The following MIGA1 variants were observed in gnomAD, a reference collection of about 807,000 sequenced individuals.
MIGA1 encodes the protein family with sequence similarity 73, member A.
A neutral mutation model predicts 82.0 loss-of-function variants in MIGA1; 58 were observed. That is an observed-to-expected ratio of 0.71 (90% CI 0.57 to 0.88). The LOEUF is 0.88. MIGA1 is among the 40% of genes least tolerant of loss of function. The pLI, the probability that MIGA1 is intolerant of heterozygous loss-of-function variation, is 0.00. For missense variants in MIGA1, 751 were observed against 749.1 expected (o/e 1.00, Z -0.03); for synonymous variants, 249 against 253.6 (o/e 0.98, Z 0.17).
intron 2 of MIGA1, among the ~76,000 whole-genome samples, chr1:77,791,689 G>A (rs1027515780): frequency 2.0e-5 from 3 of 150,282 alleles, no homozygotes; most frequent in Non-Finnish European, 4.4e-5. Flanking sequence ...TCAGCCTCCT[G>A]ATTTGGTGGG....
intron 8 of MIGA1, among the ~76,000 whole-genome samples, chr1:77,855,162 C>A (rs1302944007): frequency 6.6e-6 from 1 of 152,108 alleles, no homozygotes; most frequent in African/African-American, 2.4e-5. Flanking sequence ...GTCTTTTCCC[C>A]ATTTTATGTT....
At chr1:77,834,236 C>T (rs116573469) in intron 7 of MIGA1, among the ~76,000 whole-genome samples, 1,894 of 152,120 alleles carry the variant, frequency 0.012, 41 homozygotes, top group African/African-American at 0.044. Context: ...AGCGCAGTGG[C>T]GTGATCCTAA....
intron 2 of MIGA1, among the ~76,000 whole-genome samples, chr1:77,790,588 CTTTT>C (rs749368070): frequency 7.1e-6 from 1 of 139,898 alleles, no homozygotes. Context: ...TGCACCATTC[CTTTT>C]TTTTTTTTTT....
chr1:77,866,832 A>G (rs1445266638), intron 14 of MIGA1, among the ~76,000 whole-genome samples: 2 of 151,612 alleles, frequency 1.3e-5, no homozygotes, highest in African/African-American at 4.9e-5. Context: ...CGTAGGTGCC[A>G]CCACACCCGG....
At chr1:77,829,839 C>G (rs977725924) in intron 7 of MIGA1, among the ~76,000 whole-genome samples, 1 of 151,808 alleles carries the variant, frequency 6.6e-6, no homozygotes, top group Admixed American at 6.6e-5. Flanking sequence ...GCCTCAGCAC[C>G]TCTCTTTGAA....
chr1:77,830,614 C>A (rs1468246213), intron 7 of MIGA1, among the ~76,000 whole-genome samples: 1 of 152,118 alleles, frequency 6.6e-6, no homozygotes, highest in Non-Finnish European at 1.5e-5. Context: ...CCTATCTCAC[C>A]GCTTTGGGTA....
intron 8 of MIGA1, among the ~76,000 whole-genome samples, chr1:77,851,731 A>G (rs923410874): frequency 1.2e-4 from 19 of 152,206 alleles, no homozygotes; most frequent in Non-Finnish European, 2.8e-4. Flanking sequence ...TTAAACGATT[A>G]CTTAAACCAA....
intron 13 of MIGA1, among the ~76,000 whole-genome samples, chr1:77,865,951 TCG>T (rs1685646990): frequency 6.6e-6 from 1 of 152,206 alleles, no homozygotes; most frequent in South Asian, 2.1e-4. Flanking sequence ...TCTTGCTCTG[TCG>T]CTAGGCTGGA....
intron 7 of MIGA1, among the ~76,000 whole-genome samples, chr1:77,824,546 A>G (rs1055605100): frequency 9.2e-5 from 14 of 152,136 alleles, no homozygotes; most frequent in Non-Finnish European, 1.9e-4. Context: ...AAACAGTGAG[A>G]CTCAGTCTCT....
At chr1:77,855,251 A>G (rs760724997) in intron 8 of MIGA1, among the ~76,000 whole-genome samples, 2 of 152,120 alleles carry the variant, frequency 1.3e-5, no homozygotes, top group Non-Finnish European at 2.9e-5. Context: ...CCATTGGTCT[A>G]TGTGCCCATT....
At chr1:77,805,723 A>G (rs1683074530) in intron 4 of MIGA1, among the ~76,000 whole-genome samples, 2 of 151,682 alleles carry the variant, frequency 1.3e-5, no homozygotes, top group Non-Finnish European at 2.9e-5. Context: ...TGGTTTCACC[A>G]TGTTGGCTTG....
intron 13 of MIGA1, among the ~76,000 whole-genome samples, chr1:77,865,137 CT>C (rs766912801): frequency 2.1e-3 from 293 of 141,794 alleles, no homozygotes; most frequent in Middle Eastern, 7.5e-3. Context: ...ATTTTTCTTT[CT>C]TTTTTTTTTT....
chr1:77,842,068 G>T (rs990500103), intron 7 of MIGA1, among the ~76,000 whole-genome samples: 3 of 151,636 alleles, frequency 2.0e-5, no homozygotes, highest in Non-Finnish European at 4.4e-5. Flanking sequence ...TTACAGGCAT[G>T]AGCTACCTCA....
chr1:77,817,214 T>A (rs1424883002), intron 7 of MIGA1, among the ~76,000 whole-genome samples: 2 of 152,190 alleles, frequency 1.3e-5, no homozygotes, highest in African/African-American at 4.8e-5. Flanking sequence ...TTGGGTACAG[T>A]CTCAGAGGTC....
At chr1:77,872,935 G>C in intron 14 of MIGA1, 69 bp from the exon 15 acceptor site, 1 of 1,591,634 alleles carries the variant, frequency 6.3e-7, no homozygotes, top group South Asian at 1.1e-5. Context: ...AGCAACTTCA[G>C]TTTCTGTACT....
chr1:77,784,750 A>G (rs868439143), intron 2 of MIGA1, among the ~76,000 whole-genome samples: 1 of 152,182 alleles, frequency 6.6e-6, no homozygotes. Flanking sequence ...AGACTGGGCA[A>G]TTTACAAAAG....
chr1:77,832,971 C>A (rs1221191034), intron 7 of MIGA1, among the ~76,000 whole-genome samples: 1 of 152,180 alleles, frequency 6.6e-6, no homozygotes, highest in East Asian at 1.9e-4. Context: ...TGCACAAATT[C>A]TCTGGCAGAG....
At chr1:77,805,453 T>C (rs1229626385) in intron 4 of MIGA1, among the ~76,000 whole-genome samples, 1 of 129,384 alleles carries the variant, frequency 7.7e-6, no homozygotes, top group Non-Finnish European at 1.6e-5. Flanking sequence ...ATGAAGAATA[T>C]GCCTATTCTT....
chr1:77,843,499 A>G (rs1684704399), intron 8 of MIGA1, 92 bp downstream of exon 8: 5 of 976,272 alleles, frequency 5.1e-6, no homozygotes, highest in East Asian at 4.9e-5. Flanking sequence ...TTTGGTCACT[A>G]TTTATTTAGC....
Sources: allele counts gnomAD v4.1 joint callset (sites outside exome capture counted in the v4.1 genomes callset), GRCh38; gene constraint gnomAD v4.1.1; transcripts MANE v1.5; gene names NCBI Gene and HGNC (gene_info 2026-07-23, HGNC 2026-07-21).